BANK1: variants seen among roughly 807,000 people sequenced by gnomAD.
BANK1 encodes the protein B-cell scaffold protein with ankyrin repeats.
BANK1 carries 95 observed loss-of-function variants against 94.5 expected under a neutral mutation model. That is an observed-to-expected ratio of 1.00 (90% CI 0.85 to 1.19). The LOEUF (loss-of-function observed/expected upper bound fraction) is 1.19, where lower values mean the gene tolerates loss of function less well. Among genes scored for constraint, BANK1 ranks in the 50% most tolerant of loss-of-function variants. The pLI, the probability that BANK1 is intolerant of heterozygous loss-of-function variation, is 0.00. For missense variants in BANK1, 987 were observed against 932.2 expected (o/e 1.06, Z -0.77); for synonymous variants, 334 against 308.4 (o/e 1.08, Z -0.87).
At chr4:101,797,814 G>A (rs988623400) in intron 1 of BANK1, among the ~76,000 whole-genome samples, 1 of 152,252 alleles carries the variant, frequency 6.6e-6, no homozygotes, top group African/African-American at 2.4e-5. Context: ...TAAGCAGTTC[G>A]ATTTTAGGAT....
chr4:101,818,149 G>A (rs1156415750), intron 1 of BANK1, among the ~76,000 whole-genome samples: 1 of 152,122 alleles, frequency 6.6e-6, no homozygotes, highest in African/African-American at 2.4e-5. Flanking sequence ...GATATGGTCA[G>A]TATTTATACA....
intron 5 of BANK1, among the ~76,000 whole-genome samples, chr4:101,882,446 A>G (rs1311339426): frequency 6.6e-6 from 1 of 152,170 alleles, no homozygotes; most frequent in African/African-American, 2.4e-5. Flanking sequence ...ACATTTCTTT[A>G]CTGACTTTTA....
rs538687466 is a variant in BANK1 at position 101,802,743 on chromosome 4, A to G, written c.70+11793A>G. On this transcript the variant is annotated intron_variant, in intron 1 of 16. Transcript: ENST00000322953. The stretch of plus-strand genomic sequence containing the variant: ...CGTTTTTTTCTTTTGGAAAAGATGA[A>G]AAAACAAATAGTATACTTGGAATAA... 3.4e-3 allele frequency among the ~76,000 whole-genome samples: 512 copies of G among 148,832 alleles called. 3 individuals carry two copies. Among genetic ancestry groups the G allele is most frequent in the African/African-American group, 0.012 (495 of 41,306 alleles).
intron 13 of BANK1, among the ~76,000 whole-genome samples, chr4:102,064,477 A>G (rs1484213405): frequency 6.6e-6 from 1 of 152,218 alleles, no homozygotes; most frequent in East Asian, 1.9e-4. Context: ...TAACTCTATG[A>G]GGTGGGCAAT....
intron 12 of BANK1, 99 bp downstream of exon 12, chr4:102,060,488 T>C: frequency 1.5e-6 from 2 of 1,319,398 alleles, no homozygotes; most frequent in Non-Finnish European, 2.1e-6. Context: ...AACTGTTCTT[T>C]CATTTTTAAC....
intron 7 of BANK1, among the ~76,000 whole-genome samples, chr4:101,959,557 A>T (rs1298140082): frequency 6.6e-6 from 1 of 152,258 alleles, no homozygotes; most frequent in Admixed American, 6.5e-5. Context: ...GGCTAAAAGT[A>T]TAACGAATAG....
Position 102,053,126 on chromosome 4 carries a change from G to A in BANK1, c.1970-7085G>A, listed in dbSNP as rs1164813210. The stretch of plus-strand genomic sequence containing the variant: ...TTTGTTCTCAGTACATGGAAAGACC[G>A]AAAACAGTAATAAGATGTGGAGAAC... On this transcript the variant is annotated intron_variant, in intron 11 of 16. Coordinates refer to ENST00000322953, the MANE Select transcript of BANK1 (RefSeq NM_017935.5). Among the ~76,000 whole-genome samples, 5 of 152,274 alleles carry A rather than the reference G, an allele frequency of 3.3e-5. No homozygotes were observed. In the East Asian group the frequency reaches 9.6e-4, roughly 29 times the overall value.
At chr4:102,024,379 A>AT (rs1427984438) in intron 8 of BANK1, among the ~76,000 whole-genome samples, 1 of 152,132 alleles carries the variant, frequency 6.6e-6, no homozygotes, top group Non-Finnish European at 1.5e-5. Context: ...TTTAGAGAAT[A>AT]TTTTTATAAA....
chr4:101,968,797 G>T (rs975688016), intron 7 of BANK1, among the ~76,000 whole-genome samples: 2 of 152,018 alleles, frequency 1.3e-5, no homozygotes, highest in Non-Finnish European at 2.9e-5. Flanking sequence ...TGGAGAGAGG[G>T]AAATCCAAAC....
chr4:101,795,769 A>G (rs1725134529), intron 1 of BANK1, among the ~76,000 whole-genome samples: 1 of 152,146 alleles, frequency 6.6e-6, no homozygotes, highest in Admixed American at 6.5e-5. Context: ...TTAAGTACTT[A>G]TTTGTAGGTC....
chr4:102,046,389 G>C (rs1362796831), intron 11 of BANK1, among the ~76,000 whole-genome samples: 1 of 151,928 alleles, frequency 6.6e-6, no homozygotes, highest in Non-Finnish European at 1.5e-5. Context: ...AATTAACAAA[G>C]GCATGAAATA....
intron 7 of BANK1, among the ~76,000 whole-genome samples, chr4:101,968,682 G>GA (rs1480304924): frequency 6.6e-6 from 1 of 151,882 alleles, no homozygotes; most frequent in African/African-American, 2.4e-5. Context: ...AATGTGAAAT[G>GA]AAATGTTTTA....
chr4:101,838,794 C>T (rs1350151667), intron 2 of BANK1, among the ~76,000 whole-genome samples: 4 of 152,176 alleles, frequency 2.6e-5, no homozygotes, highest in Admixed American at 2.0e-4. Flanking sequence ...TAGCTGGTGA[C>T]CAGCCACTTG....
chr4:101,977,601 A>G (rs917470077), intron 7 of BANK1, among the ~76,000 whole-genome samples: 1 of 152,186 alleles, frequency 6.6e-6, no homozygotes, highest in African/African-American at 2.4e-5. Context: ...TCTTAAGAAT[A>G]CAATTATTTC....
chr4:101,912,974 T>G (rs1385383728), intron 6 of BANK1, among the ~76,000 whole-genome samples: 1 of 152,228 alleles, frequency 6.6e-6, no homozygotes, highest in Non-Finnish European at 1.5e-5. Context: ...GTTGATTTAC[T>G]GCTTTGTGGC....
intron 7 of BANK1, among the ~76,000 whole-genome samples, chr4:101,999,744 G>A (rs1318341765): frequency 6.6e-6 from 1 of 152,130 alleles, no homozygotes; most frequent in East Asian, 1.9e-4. Flanking sequence ...GTAAAAGAAA[G>A]GAAATAGCTC....
At chr4:102,072,464 GA>G in intron 15 of BANK1, 64 bp downstream of exon 15, 2 of 1,242,290 alleles carry the variant, frequency 1.6e-6, no homozygotes, top group Non-Finnish European at 2.3e-6. Context: ...AAAAGAACAT[GA>G]GAGCCTTCTA....
intron 7 of BANK1, among the ~76,000 whole-genome samples, chr4:101,944,131 T>C (rs1723850422): frequency 6.6e-6 from 1 of 151,624 alleles, no homozygotes; most frequent in South Asian, 2.1e-4. Flanking sequence ...ACTGATTTAA[T>C]ACTCCTCAGT....
At chr4:101,803,408 T>G (rs1245127957) in intron 1 of BANK1, among the ~76,000 whole-genome samples, 1 of 152,180 alleles carries the variant, frequency 6.6e-6, no homozygotes, top group Non-Finnish European at 1.5e-5. Flanking sequence ...ATTTTTCTAT[T>G]TCTTAAATTC....
Sources: allele counts gnomAD v4.1 joint callset (sites outside exome capture counted in the v4.1 genomes callset), GRCh38; gene constraint gnomAD v4.1.1; transcripts MANE v1.5; gene names NCBI Gene and HGNC (gene_info 2026-07-23, HGNC 2026-07-21).